Variants in CFTR observed in about 807,000 individuals in gnomAD.
The protein encoded by CFTR is cystic fibrosis transmembrane conductance regulator.
In CFTR, 181 loss-of-function variants were observed where a neutral mutation model predicts 171.6. That is an observed-to-expected ratio of 1.05 (90% CI 0.93 to 1.19). The LOEUF (loss-of-function observed/expected upper bound fraction) is 1.19. Among genes scored for constraint, CFTR ranks in the 50% most tolerant of loss-of-function variants. CFTR has a pLI of 0.00. For synonymous variants in CFTR, 583 were observed against 608.0 expected (o/e 0.96, Z 0.60); for missense variants, 1,968 against 1,734.7 (o/e 1.13, Z -2.39).
At chr7:117,621,159 G>A (rs1792572820) in intron 21 of CFTR, among the ~76,000 whole-genome samples, 2 of 152,128 alleles carry the variant, frequency 1.3e-5, no homozygotes, top group Admixed American at 1.3e-4. Context: ...ACTAAGACCA[G>A]TGAAGTCAGT....
chr7:117,628,321 G>A (rs1050583727), intron 22 of CFTR, among the ~76,000 whole-genome samples: 2 of 152,096 alleles, frequency 1.3e-5, no homozygotes, highest in African/African-American at 4.8e-5. Context: ...CCAGCACTGG[G>A]CTGAACACAT....
intron 3 of CFTR, among the ~76,000 whole-genome samples, chr7:117,517,465 A>G (rs1004029284): frequency 6.6e-6 from 1 of 152,186 alleles, no homozygotes; most frequent in African/African-American, 2.4e-5. Context: ...ATTGGTGGAC[A>G]TTTGGGTTGG....
In CFTR at chr7:117,613,641, G is replaced by T. The variant is rs34362542; in HGVS notation, c.3368-972G>T. On this transcript the variant is annotated intron_variant, in intron 20 of 26. Coordinates refer to ENST00000003084, the MANE Select transcript of CFTR (RefSeq NM_000492.4). Reference sequence around the variant, plus strand: ...TAACCTTCAGAACAGTAATATATTGGGGTCTAGATAAATCTTGCCTATATG... The same window carrying T: ...TAACCTTCAGAACAGTAATATATTGTGGTCTAGATAAATCTTGCCTATATG... Among the ~76,000 whole-genome samples, 1,232 of 151,954 alleles carry T rather than the reference G, an allele frequency of 8.1e-3. 16 individuals are homozygous for T. The highest frequency in any genetic ancestry group is 0.028 in the African/African-American group (1,174 of 41,476).
intron 3 of CFTR, among the ~76,000 whole-genome samples, chr7:117,529,941 T>A (rs1057038567): frequency 3.3e-5 from 5 of 152,120 alleles, no homozygotes; most frequent in Non-Finnish European, 7.4e-5. Flanking sequence ...TAAAACAAAA[T>A]GAGGAATTAT....
chr7:117,505,265 C>G (rs567791310), intron 2 of CFTR, among the ~76,000 whole-genome samples: 1 of 152,040 alleles, frequency 6.6e-6, no homozygotes, highest in Non-Finnish European at 1.5e-5. Context: ...TGGTAGTCCC[C>G]CCCATAAAGA....
chr7:117,642,196 G>A (rs1258760985), intron 22 of CFTR, among the ~76,000 whole-genome samples: 1 of 152,200 alleles, frequency 6.6e-6, no homozygotes, highest in Non-Finnish European at 1.5e-5. Context: ...AAGGAAGTCT[G>A]CATCAGGGGT....
At chr7:117,639,212 T>C in intron 22 of CFTR, among the ~76,000 whole-genome samples, 1 of 152,238 alleles carries the variant, frequency 6.6e-6, no homozygotes, top group Non-Finnish European at 1.5e-5. Flanking sequence ...AACTGAGACC[T>C]TTAATTTAAA....
chr7:117,514,696 A>G (rs955401781), intron 3 of CFTR, among the ~76,000 whole-genome samples: 2 of 152,144 alleles, frequency 1.3e-5, no homozygotes, highest in Non-Finnish European at 2.9e-5. Context: ...GCTGGGTCAA[A>G]TGGCATTTCT....
intron 23 of CFTR, among the ~76,000 whole-genome samples, chr7:117,649,306 A>ATG (rs1325438603): frequency 1.3e-5 from 2 of 149,076 alleles, no homozygotes; most frequent in African/African-American, 2.5e-5. Context: ...GTGTGTGTAT[A>ATG]TGTGTGTGTG....
At position 117,554,059 on chromosome 7, in the gene CFTR, C is replaced by T. The variant is rs542301470; in HGVS notation, c.1392+5236C>T. On this transcript the variant is annotated intron_variant, in intron 10 of 26. Transcript: ENST00000003084. ...GGTAGGGGGTAAACCATAAAGTGCTCGTAAAGACTAAGGCTTATTTCTCTG... is the reference window on the plus strand; with the variant it reads ...GGTAGGGGGTAAACCATAAAGTGCTTGTAAAGACTAAGGCTTATTTCTCTG... Among the ~76,000 whole-genome samples the T allele has an allele frequency of 9.2e-5, 14 of 152,140 alleles. No individual in the cohort carries two copies. The South Asian group carries it at 1.2e-3, about 14-fold the overall frequency.
intron 11 of CFTR, among the ~76,000 whole-genome samples, chr7:117,587,203 G>A (rs994287061): frequency 6.6e-6 from 1 of 152,148 alleles, no homozygotes; most frequent in African/African-American, 2.4e-5. Flanking sequence ...AGCTGTTTTA[G>A]TTGGGAGGAT....
At chr7:117,625,406 G>A (rs1446121416) in intron 21 of CFTR, among the ~76,000 whole-genome samples, 2 of 152,128 alleles carry the variant, frequency 1.3e-5, no homozygotes, top group African/African-American at 4.8e-5. Flanking sequence ...TCAAACACAA[G>A]TCCTAAACAG....
chr7:117,528,391 A>T (rs200950963), intron 3 of CFTR, among the ~76,000 whole-genome samples: 3,793 of 93,678 alleles, frequency 0.04, no homozygotes, highest in African/African-American at 0.12. Context: ...TTTAAACGTT[A>T]GACCTAAAAC....
At position 117,536,421 on chromosome 7, in the gene CFTR, G is replaced by T. The variant is rs1798956271; in HGVS notation, c.744-127G>T. On this transcript the variant is annotated intron_variant, in intron 6 of 26. Coordinates refer to ENST00000003084, the MANE Select transcript of CFTR (RefSeq NM_000492.4). ...TTATTATTTTTGTTACCATCTATTT[G>T]ATAATAAAATAATGCCCATCTGTTG... 5.3e-6 allele frequency: 5 copies of T among 944,410 alleles called. No individual in the cohort carries two copies. The South Asian group carries it at 5.7e-5, about 11-fold the overall frequency. The allele number at this position is 944,410 out of a possible 1,614,324, so 58.5% of individuals were successfully genotyped here.
intron 22 of CFTR, among the ~76,000 whole-genome samples, chr7:117,629,705 T>C (rs1427783787): frequency 3.3e-5 from 5 of 152,212 alleles, no homozygotes. Context: ...TTTTTACTTT[T>C]AGTCTGGTCT....
At position 117,587,824 on chromosome 7, in the gene CFTR, CT is replaced by C; in HGVS notation, c.1673del (p.Leu558Ter). The part of the protein sequence containing the change: ...TLSGGQRARI[S>X]LARAVYKDAD... ...AGTGGAGGTCAACGAGCAAGAATTT[CT>C]TTAGCAAGGTGAATAACTAATTATT... On this transcript the variant is annotated frameshift_variant, in exon 12 of 27. Coordinates refer to ENST00000003084, the MANE Select transcript of CFTR (RefSeq NM_000492.4). LOFTEE classifies it high-confidence loss of function. 1 of 1,592,260 alleles carries C rather than the reference CT, an allele frequency of 6.3e-7. No homozygotes were observed. The highest frequency in any genetic ancestry group is 8.6e-7 in the Non-Finnish European group (1 of 1,160,406).
chr7:117,592,576 T>G lies in CFTR; in HGVS notation c.2409T>G (p.Thr803=). The G allele has an allele frequency of 6.6e-7, 1 of 1,523,860 alleles. No individual in the cohort carries two copies. The highest frequency in any genetic ancestry group is 8.8e-7 in the Non-Finnish European group (1 of 1,139,834). The allele number at this position is 1,523,860 out of a possible 1,614,324, so 94.4% of individuals were successfully genotyped here. A position where few individuals can be genotyped will look rare whatever the true frequency, so the allele number is the denominator to read the frequency against. ...CACTGGCCCCTCAGGCAAACTTGAC[T>G]GAACTGGATATATATTCAAGAAGGT... ...KVSLAPQANL[T]ELDIYSRRLS... Residue 803 remains threonine, a synonymous_variant, in exon 14 of 27, where the codon ACT becomes ACG. Coordinates refer to ENST00000003084, the MANE Select transcript of CFTR (RefSeq NM_000492.4).
At chr7:117,579,781 C>T (rs1469486) in intron 11 of CFTR, among the ~76,000 whole-genome samples, 26,638 of 150,028 alleles carry the variant, frequency 0.18, 2,802 homozygotes, top group East Asian at 0.42. Flanking sequence ...TCTTAGGAAA[C>T]ATGAGAATAT....
intron 11 of CFTR, among the ~76,000 whole-genome samples, chr7:117,584,087 A>G (rs1010330524): frequency 4.0e-5 from 6 of 151,892 alleles, no homozygotes; most frequent in African/African-American, 9.7e-5. Flanking sequence ...TATCGGATGC[A>G]TAGTTTATGA....
Sources: allele counts gnomAD v4.1 joint callset (sites outside exome capture counted in the v4.1 genomes callset), GRCh38; gene constraint gnomAD v4.1.1; transcripts MANE v1.5; gene names NCBI Gene and HGNC (gene_info 2026-07-23, HGNC 2026-07-21).